The following ARRDC1 variants were observed in gnomAD, a reference collection of about 807,000 sequenced individuals.
The protein encoded by ARRDC1 is arrestin domain containing 1.
In ARRDC1, 37 loss-of-function variants were observed where a neutral mutation model predicts 40.1. The ratio of observed to expected loss-of-function variants is 0.92; its 90% CI spans 0.71 to 1.21. The LOEUF is 1.21. ARRDC1 is among the 50% of genes most tolerant of loss of function. The pLI is 0.00. For synonymous variants in ARRDC1, 310 were observed against 262.5 expected, an observed-to-expected ratio of 1.18 and a Z score of -1.75; for missense variants, 641 against 581.9, an observed-to-expected ratio of 1.10 and a Z score of -1.04.
intron 1 of ARRDC1, 84 bp downstream of exon 1, chr9:137,605,919 C>G: frequency 7.1e-6 from 6 of 844,400 alleles, no homozygotes; most frequent in Non-Finnish European, 9.3e-6. Context: ...CGCCTGGCCC[C>G]GGGTTGGGCC....
Position 137,613,685 on chromosome 9 carries a change from GC to G in ARRDC1, c.353del (p.Pro118HisfsTer16). 1 of 1,614,210 alleles carries G rather than the reference GC, an allele frequency of 6.2e-7. No individual in the cohort carries two copies. The highest frequency in any genetic ancestry group is 8.5e-7 in the Non-Finnish European group (1 of 1,180,028). ...VHQVRAAIHT[P>X]RFSKDHKCSL... ...ACCAGGTGAGGGCCGCCATCCACAC[GC>G]CACGGTTTTCCAAGGATCACAAGTG... On this transcript the variant is annotated frameshift_variant, in exon 4 of 8. Coordinates refer to ENST00000371421, the MANE Select transcript of ARRDC1 (RefSeq NM_152285.4). LOFTEE classifies it high-confidence loss of function.
At chr9:137,608,308 G>A (rs1842458917) in intron 1 of ARRDC1, among the ~76,000 whole-genome samples, 2 of 152,338 alleles carry the variant, frequency 1.3e-5, no homozygotes, top group South Asian at 4.1e-4. Context: ...CCTGCATGGG[G>A]GAGGAGGGAC....
chr9:137,613,870 T>A, intron 4 of ARRDC1, 101 bp downstream of exon 4: 2 of 1,546,680 alleles, frequency 1.3e-6, no homozygotes, highest in South Asian at 2.4e-5. Context: ...TGTCCCCAGC[T>A]GAGGTGAGGG....
intron 4 of ARRDC1, 26 bp from the exon 5 acceptor site, chr9:137,614,006 A>G (rs755319344): frequency 6.2e-7 from 1 of 1,611,890 alleles, no homozygotes; most frequent in South Asian, 1.1e-5. Context: ...ACACCTGCTA[A>G]GCCCCTCCCT....
chr9:137,609,020 C>T (rs563308689), intron 1 of ARRDC1, among the ~76,000 whole-genome samples: 14 of 152,286 alleles, frequency 9.2e-5, no homozygotes, highest in African/African-American at 2.6e-4. Context: ...TGTCCCATGA[C>T]GGTTTTCGCG....
At position 137,614,606 on chromosome 9, in the gene ARRDC1, T is replaced by G. The variant is rs1054301046; in HGVS notation, c.843T>G (p.Ile281Met). 7 of 1,612,946 alleles carry G rather than the reference T, an allele frequency of 4.3e-6. No homozygotes were observed. The highest frequency in any genetic ancestry group is 5.9e-6 in the Non-Finnish European group (7 of 1,179,862). Residue 281 changes from isoleucine (I) to methionine (M), a missense_variant, in exon 7 of 8, where the codon ATT (isoleucine) becomes ATG (methionine). Coordinates refer to ENST00000371421, the MANE Select transcript of ARRDC1 (RefSeq NM_152285.4). Reference protein sequence around the residue: ...PEATVTLPVFIGNIAVNHAPV... With the variant: ...PEATVTLPVFMGNIAVNHAPV... ...CTACTGTGACCCTCCCGGTCTTCATTGGCAATATTGCTGTGAACCATGCCC... is the reference window on the plus strand; with the variant it reads ...CTACTGTGACCCTCCCGGTCTTCATGGGCAATATTGCTGTGAACCATGCCC...
intron 5 of ARRDC1, 42 bp downstream of exon 5, chr9:137,614,256 G>A (rs750105645): frequency 6.3e-7 from 1 of 1,576,816 alleles, no homozygotes; most frequent in African/African-American, 1.3e-5. Context: ...CTCCTGGGGT[G>A]GGCTGGCAGC....
At chr9:137,613,369 C>A in intron 2 of ARRDC1, 91 bp from the exon 3 acceptor site, 2 of 1,406,304 alleles carry the variant, frequency 1.4e-6, no homozygotes, top group South Asian at 2.4e-5. Flanking sequence ...GTGAGCTGGT[C>A]AGCTGCAGTG....
chr9:137,612,441 T>C (rs1470575201), intron 1 of ARRDC1: 1 of 192,370 alleles, frequency 5.2e-6, no homozygotes, highest in Non-Finnish European at 1.1e-5. Flanking sequence ...TCCTGCAGCA[T>C]GATGGTTGGC....
At position 137,615,139 on chromosome 9, in the gene ARRDC1, C is replaced by G. The variant is rs760355513; in HGVS notation, c.*1C>G. The G allele has an allele frequency of 1.1e-5, 17 of 1,529,192 alleles. No individual in the cohort carries two copies. The highest frequency in any genetic ancestry group is 1.5e-5 in the Non-Finnish European group (17 of 1,137,780). The allele number at this position is 1,529,192 out of a possible 1,614,324, so 94.7% of individuals were successfully genotyped here. A position where few individuals can be genotyped will look rare whatever the true frequency, so the allele number is the denominator to read the frequency against. On this transcript the variant is annotated 3_prime_UTR_variant, in exon 8 of 8. Transcript: ENST00000371421. ...ACCCAGCCTGACCCCTGAGAGCTGA[C>G]CCCGTGCTGCCTTCTCCAGGCAGGC...
intron 3 of ARRDC1, 30 bp downstream of exon 3, chr9:137,613,540 ATGACCAACT>A: frequency 6.2e-7 from 1 of 1,613,954 alleles, no homozygotes; most frequent in Non-Finnish European, 8.5e-7. Flanking sequence ...AGGCCTGGTG[ATGACCAACT>A]GGTCCTGGGA....
intron 2 of ARRDC1, 166 bp downstream of exon 2, chr9:137,613,172 T>G: frequency 1.3e-6 from 1 of 762,770 alleles, no homozygotes; most frequent in South Asian, 1.5e-5. Flanking sequence ...AGGCGCTGGG[T>G]GGCTGAAGGG....
chr9:137,613,495 C>T lies in ARRDC1; in HGVS notation c.265C>T (p.Gln89Ter). The T allele has an allele frequency of 6.2e-7, 1 of 1,613,584 alleles. No homozygotes were observed. Among genetic ancestry groups the T allele is most frequent in the Admixed American group, 1.7e-5 (1 of 59,980 alleles). The change falls in exon 3 of 8, where the codon CAG (glutamine) becomes TAG (stop). Residue 89 changes from glutamine (Q) to a stop codon, truncating the protein, a stop_gained. Coordinates refer to ENST00000371421, the MANE Select transcript of ARRDC1 (RefSeq NM_152285.4). LOFTEE classifies it high-confidence loss of function. ...LPAGEHSFPF[Q>*]FLLPATAPTS... ...CGCTGGAGAGCACAGCTTCCCCTTC[C>T]AGTTCCTGCTTCCTGGTGAGAGCCC...
In ARRDC1 at chr9:137,614,451, C is replaced by G. The variant is rs771208603; in HGVS notation, c.771C>G (p.Leu257=). 2.5e-6 allele frequency: 4 copies of G among 1,613,342 alleles called. No homozygotes were observed. The highest frequency in any genetic ancestry group is 2.7e-5 in the African/African-American group (2 of 74,944). The change falls in exon 6 of 8, where the codon CTC becomes CTG. Residue 257 remains leucine, a synonymous_variant. Transcript: ENST00000371421. ...AGTCGGCCCTGCCGGGCTGCAGCCT[C>G]ATCCACATCGACTACTACTTACAGG... is the stretch of plus-strand genomic sequence containing the variant. ...LPQSALPGCS[L]IHIDYYLQVS...
In ARRDC1 at chr9:137,613,730, CTT is replaced by C. The variant is rs1842589787; in HGVS notation, c.397_398del (p.Leu133GlufsTer12). 6.2e-7 allele frequency: 1 copy of C among 1,614,110 alleles called. No homozygotes were observed. Among genetic ancestry groups the C allele is most frequent in the Non-Finnish European group, 8.5e-7 (1 of 1,180,056 alleles). On this transcript the variant is annotated frameshift_variant, in exon 4 of 8. Coordinates refer to ENST00000371421, the MANE Select transcript of ARRDC1 (RefSeq NM_152285.4). LOFTEE classifies it high-confidence loss of function. The part of the protein sequence containing the change: ...DHKCSLVFYI[L>X]SPLNLNSIPD... ...ACAAGTGCAGCCTCGTGTTCTATAT[CTT>C]GAGCCCCTTGAACCTGAACAGCATC...
Position 137,605,846 on chromosome 9 carries a change from G to A in ARRDC1, c.118+11G>A, listed in dbSNP as rs902758448. 2.4e-6 allele frequency: 3 copies of A among 1,241,210 alleles called. No homozygotes were observed. The highest frequency in any genetic ancestry group is 3.1e-5 in the African/African-American group (2 of 63,632). The allele number at this position is 1,241,210 out of a possible 1,614,324, so 76.9% of individuals were successfully genotyped here. A position where few individuals can be genotyped will look rare whatever the true frequency, so the allele number is the denominator to read the frequency against. ...CGCTGCCGTTCCGAGGTGGGCGCGG[G>A]TCCTCGGGGAGGGCCTTTGGCCGCA... On this transcript the variant is annotated intron_variant, in intron 1 of 7. Coordinates refer to ENST00000371421, the MANE Select transcript of ARRDC1 (RefSeq NM_152285.4).
At chr9:137,610,808 C>T (rs1842502300) in intron 1 of ARRDC1, among the ~76,000 whole-genome samples, 1 of 152,190 alleles carries the variant, frequency 6.6e-6, no homozygotes, top group African/African-American at 2.4e-5. Flanking sequence ...GGTGATCTGC[C>T]TGCCTTGGCC....
chr9:137,614,260 T>G, intron 5 of ARRDC1, 39 bp from the exon 6 acceptor site: 1 of 1,576,778 alleles, frequency 6.3e-7, no homozygotes, highest in Non-Finnish European at 8.6e-7. Context: ...TGGGGTGGGC[T>G]GGCAGCCTGC....
At position 137,613,457 on chromosome 9, in the gene ARRDC1, C is replaced by T; in HGVS notation, c.230-3C>T. ...GCCCCCCACCTCCCTCCTGTCTCTG[C>T]AGGGAGCCTGCCCGCTGGAGAGCAC... On this transcript the variant is annotated splice_polypyrimidine_tract_variant and splice_region_variant and intron_variant, in intron 2 of 7. Transcript: ENST00000371421. The T allele has an allele frequency of 6.2e-7, 1 of 1,611,214 alleles. No individual in the cohort carries two copies. Among genetic ancestry groups the T allele is most frequent in the Non-Finnish European group, 8.5e-7 (1 of 1,179,654 alleles).
Sources: allele counts gnomAD v4.1 joint callset (sites outside exome capture counted in the v4.1 genomes callset), GRCh38; gene constraint gnomAD v4.1.1; transcripts MANE v1.5; gene names NCBI Gene and HGNC (gene_info 2026-07-23, HGNC 2026-07-21).